The following DLGAP2 variants were observed in gnomAD, a reference collection of about 807,000 sequenced individuals.
The protein encoded by DLGAP2 is DLG associated protein 2.
Under a neutral mutation model 100.3 loss-of-function variants are expected in DLGAP2, and 26 were observed. The ratio of observed to expected loss-of-function variants is 0.26; its 90% CI spans 0.19 to 0.36. DLGAP2 has a LOEUF of 0.36. Among genes scored for constraint, DLGAP2 ranks in the 10% least tolerant of loss-of-function variants. The probability of loss-of-function intolerance (pLI) is 1.00; values close to 1 mark genes in which losing one functional copy is unlikely to be tolerated. For synonymous variants in DLGAP2, 886 were observed against 630.1 expected, an observed-to-expected ratio of 1.41 and a Z score of -6.08; for missense variants, 1,858 against 1,453.2, an observed-to-expected ratio of 1.28 and a Z score of -4.53.
chr8:1,499,697 C>G (rs2130315233), intron 3 of DLGAP2, among the ~76,000 whole-genome samples: 1 of 152,290 alleles, frequency 6.6e-6, no homozygotes, highest in South Asian at 2.1e-4. Flanking sequence ...ATTCAGATAG[C>G]TATTTCTTAT....
chr8:1,140,834 G>A (rs374275777), intron 2 of DLGAP2, among the ~76,000 whole-genome samples: 33 of 152,274 alleles, frequency 2.2e-4, no homozygotes, highest in Middle Eastern at 6.8e-3. Flanking sequence ...TTAGCTAGGC[G>A]TGGTGGCATA....
In DLGAP2 at chr8:1,668,453, C is replaced by T; in HGVS notation, c.1935C>T (p.Ser645=). 1.3e-6 allele frequency: 2 copies of T among 1,596,562 alleles called. No individual in the cohort carries two copies. Among genetic ancestry groups the T allele is most frequent in the Middle Eastern group, 1.7e-4 (1 of 6,042 alleles). ...CCACCCAGGACGCCTACCAGGACAG[C>T]CGCGCACAGAGGATGTCCCCGTGGC... ...TESTQDAYQD[S]RAQRMSPWPQ... Residue 645 remains serine, a synonymous_variant, in exon 9 of 15, where the codon AGC becomes AGT. Transcript: ENST00000637795.
intron 3 of DLGAP2, among the ~76,000 whole-genome samples, chr8:1,498,272 T>C (rs2130310041): frequency 6.7e-6 from 1 of 148,774 alleles, no homozygotes; most frequent in South Asian, 2.1e-4. Flanking sequence ...TAAGTGTTTC[T>C]TATCAGAGTC....
intron 5 of DLGAP2, among the ~76,000 whole-genome samples, chr8:1,555,662 CA>C (rs1801939919): frequency 1.3e-5 from 2 of 152,238 alleles, no homozygotes; most frequent in African/African-American, 4.8e-5. Context: ...CATCACCCCC[CA>C]GTTGTCCTGG....
At chr8:1,268,767 A>C (rs574175533) in intron 3 of DLGAP2, among the ~76,000 whole-genome samples, 16 of 152,326 alleles carry the variant, frequency 1.1e-4, no homozygotes, top group Non-Finnish European at 1.9e-4. Flanking sequence ...ACATTTCCCA[A>C]TTATGCACCT....
chr8:1,129,623 G>A (rs928254792), intron 2 of DLGAP2, among the ~76,000 whole-genome samples: 8 of 152,126 alleles, frequency 5.3e-5, no homozygotes, highest in South Asian at 2.1e-4. Context: ...GTGTTGCCTC[G>A]TAGGTGACTC....
At chr8:1,418,360 G>A (rs6997056) in intron 3 of DLGAP2, among the ~76,000 whole-genome samples, 31,830 of 152,110 alleles carry the variant, frequency 0.21, 4,395 homozygotes, top group African/African-American at 0.37. Context: ...TTTATATTCA[G>A]TATCCTCAAG....
chr8:780,466 T>G (rs1398564367), intron 1 of DLGAP2, among the ~76,000 whole-genome samples: 1 of 152,224 alleles, frequency 6.6e-6, no homozygotes, highest in Admixed American at 6.5e-5. Flanking sequence ...TACAGACATC[T>G]CAACGTAGTG....
chr8:1,028,097 G>C (rs1379879353), intron 2 of DLGAP2, among the ~76,000 whole-genome samples: 4 of 136,600 alleles, frequency 2.9e-5, no homozygotes, highest in Non-Finnish European at 6.3e-5. Context: ...CTCCAGGTGG[G>C]GTGCCAGGGG....
chr8:1,263,465 C>G (rs978374536), intron 3 of DLGAP2, among the ~76,000 whole-genome samples: 2 of 152,160 alleles, frequency 1.3e-5, no homozygotes, highest in African/African-American at 4.8e-5. Flanking sequence ...TTTATCACAA[C>G]TAGGAGGAAC....
chr8:1,411,290 C>T (rs780167031), intron 3 of DLGAP2, among the ~76,000 whole-genome samples: 2 of 152,134 alleles, frequency 1.3e-5, no homozygotes, highest in African/African-American at 4.8e-5. Flanking sequence ...TATAATAAGT[C>T]AAAGAAAACA....
chr8:1,428,626 C>A (rs556502936), intron 3 of DLGAP2, among the ~76,000 whole-genome samples: 50 of 152,306 alleles, frequency 3.3e-4, no homozygotes, highest in African/African-American at 1.2e-3. Context: ...AGAAGTATGC[C>A]TATGTATACC....
At chr8:1,414,878 A>C (rs955328642) in intron 3 of DLGAP2, among the ~76,000 whole-genome samples, 1 of 152,142 alleles carries the variant, frequency 6.6e-6, no homozygotes, top group East Asian at 1.9e-4. Context: ...GCGTGGTGGC[A>C]GGCATCTGTA....
At chr8:1,077,444 C>G (rs187666954) in intron 2 of DLGAP2, among the ~76,000 whole-genome samples, 10 of 152,300 alleles carry the variant, frequency 6.6e-5, no homozygotes, top group African/African-American at 2.2e-4. Flanking sequence ...GCCTCAGCTT[C>G]TAAAGTGAGT....
At chr8:1,579,288 A>G (rs1170207343) in intron 6 of DLGAP2, among the ~76,000 whole-genome samples, 2 of 152,202 alleles carry the variant, frequency 1.3e-5, no homozygotes, top group Non-Finnish European at 2.9e-5. Context: ...TGGATTAAAT[A>G]TGTAAGCATT....
intron 5 of DLGAP2, among the ~76,000 whole-genome samples, chr8:1,551,970 T>C (rs142210593): frequency 6.2e-4 from 95 of 152,246 alleles, no homozygotes; most frequent in African/African-American, 2.1e-3. Flanking sequence ...GCCCGAGGTT[T>C]CTCCTCTCTT....
chr8:1,615,695 A>G (rs1797127936), intron 6 of DLGAP2, among the ~76,000 whole-genome samples: 1 of 139,126 alleles, frequency 7.2e-6, no homozygotes, highest in Non-Finnish European at 1.6e-5. Context: ...AGATCTTTAA[A>G]CAGCCATTGT....
chr8:1,655,114 G>A (rs7462423), intron 8 of DLGAP2, among the ~76,000 whole-genome samples: 151,967 of 152,344 alleles, frequency 1, 75,798 homozygotes, highest in Middle Eastern at 1. Context: ...TTTGCTGCTA[G>A]CCTATCAACG....
chr8:1,110,480 G>A (rs1231983392), intron 2 of DLGAP2, among the ~76,000 whole-genome samples: 1 of 149,558 alleles, frequency 6.7e-6, no homozygotes, highest in Admixed American at 6.6e-5. Flanking sequence ...TCTGTGACAT[G>A]TGCTCGGTCT....
Sources: allele counts gnomAD v4.1 joint callset (sites outside exome capture counted in the v4.1 genomes callset), GRCh38; gene constraint gnomAD v4.1.1; transcripts MANE v1.5; gene names NCBI Gene and HGNC (gene_info 2026-07-23, HGNC 2026-07-21).